SGCD: variants seen among roughly 807,000 people sequenced by gnomAD.
The protein encoded by SGCD is delta-sarcoglycan.
SGCD carries 18 observed loss-of-function variants against 36.6 expected under a neutral mutation model. The observed-to-expected ratio is 0.49, with a 90% confidence interval of 0.34 to 0.73. SGCD has a LOEUF of 0.73. Among genes scored for constraint, SGCD ranks in the 30% least tolerant of loss-of-function variants. The pLI is 0.01. For missense variants in SGCD, 387 were observed against 346.7 expected, an observed-to-expected ratio of 1.12 and a Z score of -0.92; for synonymous variants, 133 against 130.6, an observed-to-expected ratio of 1.02 and a Z score of -0.12.
chr5:156,349,289 A>G (rs1468225236), intron 3 of SGCD, among the ~76,000 whole-genome samples: 2 of 152,112 alleles, frequency 1.3e-5, no homozygotes, highest in East Asian at 3.9e-4. Flanking sequence ...TCCGCACAGT[A>G]AAAGAAATAG....
rs989690392 is a variant in SGCD at position 156,327,180 on chromosome 5, C to T, written c.-96C>T. On this transcript the variant is annotated 5_prime_UTR_variant, in exon 1 of 9. Coordinates refer to ENST00000337851, the MANE Select transcript of SGCD (RefSeq NM_000337.6). ...ACCTCCTTCAGAGCTGCTCAGCACG[C>T]CCTGGGATCGCGGGCGGTTTTCATC... 6.6e-6 allele frequency: 1 copy of T among 152,456 alleles called. No individual in the cohort carries two copies. The highest frequency in any genetic ancestry group is 6.5e-5 in the Admixed American group (1 of 15,298). The allele number at this position is 152,456 out of a possible 1,614,324, so 9.4% of individuals were successfully genotyped here.
At chr5:156,205,482 C>G (rs1764253699) in intron 3 of SGCD, among the ~76,000 whole-genome samples, 1 of 152,060 alleles carries the variant, frequency 6.6e-6, no homozygotes, top group East Asian at 1.9e-4. Flanking sequence ...TTTTGAAAGA[C>G]AATCATACAG....
At position 156,041,633 on chromosome 5, in the gene SGCD, G is replaced by A. The variant is rs138371212; in HGVS notation, c.-281-76245G>A. Among the ~76,000 whole-genome samples the A allele has an allele frequency of 2.2e-3, 336 of 152,140 alleles. 2 individuals carry two copies. The highest frequency in any genetic ancestry group is 7.7e-3 in the African/African-American group (318 of 41,510). Reference sequence around the variant, plus strand: ...AACTCTAGACTTGGTGTGTCTTTTCGCAACTGTGTGAAAGATACACACTTG... The same window carrying A: ...AACTCTAGACTTGGTGTGTCTTTTCACAACTGTGTGAAAGATACACACTTG... On this transcript the variant is annotated intron_variant, in intron 1 of 9. Transcript: ENST00000517913.
chr5:155,784,858 T>A, the SGCD span, among the ~76,000 whole-genome samples: 2 of 152,166 alleles, frequency 1.3e-5, no homozygotes, highest in African/African-American at 2.4e-5. Flanking sequence ...GTGAGTTTTT[T>A]AAAATATGAC....
At chr5:156,390,785 A>G (rs1255493052) in intron 3 of SGCD, among the ~76,000 whole-genome samples, 1 of 152,200 alleles carries the variant, frequency 6.6e-6, no homozygotes, top group Non-Finnish European at 1.5e-5. Flanking sequence ...AAACTTATAG[A>G]ATAAGGGTAT....
intron 3 of SGCD, among the ~76,000 whole-genome samples, chr5:156,433,202 C>T (rs539468716): frequency 6.6e-6 from 1 of 152,324 alleles, no homozygotes; most frequent in East Asian, 1.9e-4. Context: ...ACCACTCACT[C>T]TGCTCTAATC....
At chr5:156,225,395 A>G (rs1412347436) in intron 3 of SGCD, among the ~76,000 whole-genome samples, 2 of 152,130 alleles carry the variant, frequency 1.3e-5, no homozygotes, top group African/African-American at 4.8e-5. Context: ...TATGAGCACA[A>G]CTGATCTCAA....
intron 1 of SGCD, among the ~76,000 whole-genome samples, chr5:156,016,016 C>A (rs1296819359): frequency 6.6e-6 from 1 of 151,814 alleles, no homozygotes; most frequent in Non-Finnish European, 1.5e-5. Flanking sequence ...AATAACCTGA[C>A]CTTTAAAACA....
At chr5:156,488,110 T>G (rs1000522095) in intron 3 of SGCD, among the ~76,000 whole-genome samples, 2 of 144,658 alleles carry the variant, frequency 1.4e-5, no homozygotes, top group Non-Finnish European at 3.1e-5. Context: ...TTTTTTTTTT[T>G]TTTTTTTTTT....
chr5:156,122,201 T>G (rs1762058609), intron 2 of SGCD, among the ~76,000 whole-genome samples: 1 of 152,150 alleles, frequency 6.6e-6, no homozygotes, highest in African/African-American at 2.4e-5. Context: ...ACTGTCTGCT[T>G]ATTCATTCAT....
chr5:155,814,402 T>C, the SGCD span, among the ~76,000 whole-genome samples: 1 of 152,220 alleles, frequency 6.6e-6, no homozygotes, highest in African/African-American at 2.4e-5. Context: ...CGTATTCTCA[T>C]TGCTCCTTCT....
At chr5:156,187,163 T>G (rs1763780634) in intron 3 of SGCD, among the ~76,000 whole-genome samples, 1 of 152,092 alleles carries the variant, frequency 6.6e-6, no homozygotes, top group South Asian at 2.1e-4. Context: ...ATAGAGATAA[T>G]CATAAACCAA....
At chr5:156,583,897 T>G (rs541621092) in intron 4 of SGCD, among the ~76,000 whole-genome samples, 1 of 152,336 alleles carries the variant, frequency 6.6e-6, no homozygotes, top group African/African-American at 2.4e-5. Flanking sequence ...GCCTTCCATT[T>G]GAATTCCTAC....
chr5:155,983,836 T>C (rs1370995109), intron 1 of SGCD, among the ~76,000 whole-genome samples: 1 of 152,246 alleles, frequency 6.6e-6, no homozygotes, highest in Non-Finnish European at 1.5e-5. Flanking sequence ...TTGTGGCTTC[T>C]TTATTGCTCT....
rs114136002 is a variant in SGCD at position 156,439,186 on chromosome 5, C to A, written c.193-69415C>A. On this transcript the variant is annotated intron_variant, in intron 3 of 8. Coordinates refer to ENST00000337851, the MANE Select transcript of SGCD (RefSeq NM_000337.6). Reference sequence around the variant, plus strand: ...TATAATCCCATTTAATACAGCAACCCAGTGAAGGAGGTGCCCTTTGCAACC... The same window carrying A: ...TATAATCCCATTTAATACAGCAACCAAGTGAAGGAGGTGCCCTTTGCAACC... Among the ~76,000 whole-genome samples, 696 of 152,210 alleles carry A rather than the reference C, an allele frequency of 4.6e-3. 3 individuals are homozygous for A. The highest frequency in any genetic ancestry group is 0.016 in the African/African-American group (658 of 41,552).
At chr5:156,446,236 A>T (rs1326614128) in intron 3 of SGCD, among the ~76,000 whole-genome samples, 3 of 152,206 alleles carry the variant, frequency 2.0e-5, no homozygotes, top group Admixed American at 6.5e-5. Flanking sequence ...GGCAGCAAAG[A>T]TAAGTGTCCC....
intron 1 of SGCD, among the ~76,000 whole-genome samples, chr5:156,010,073 T>A (rs73810389): frequency 0.023 from 3,561 of 152,280 alleles, 121 homozygotes; most frequent in African/African-American, 0.075. Context: ...TAGACCCACA[T>A]ATATTATTAT....
At chr5:155,934,763 T>G (rs1757164175) in intron 1 of SGCD, among the ~76,000 whole-genome samples, 1 of 152,200 alleles carries the variant, frequency 6.6e-6, no homozygotes. Context: ...GCTGAAAATG[T>G]TGGCTACTTC....
intron 7 of SGCD, among the ~76,000 whole-genome samples, chr5:156,722,016 C>T (rs1284543349): frequency 6.6e-6 from 1 of 152,176 alleles, no homozygotes; most frequent in Non-Finnish European, 1.5e-5. Context: ...CATGATCAGT[C>T]GCAGAAATAA....
Sources: allele counts gnomAD v4.1 joint callset (sites outside exome capture counted in the v4.1 genomes callset), GRCh38; gene constraint gnomAD v4.1.1; transcripts MANE v1.5; gene names NCBI Gene and HGNC (gene_info 2026-07-23, HGNC 2026-07-21).